RGL1: variants seen among roughly 807,000 people sequenced by gnomAD.
RGL1 encodes ral guanine nucleotide dissociation stimulator like 1.
Under a neutral mutation model 95.2 loss-of-function variants are expected in RGL1, and 24 were observed. The observed-to-expected ratio is 0.25, with a 90% confidence interval of 0.18 to 0.35. The LOEUF is 0.35. RGL1 is among the 10% of genes least tolerant of loss of function. RGL1 has a pLI of 1.00. For synonymous variants in RGL1, 329 were observed against 344.9 expected (o/e 0.95, Z 0.51); for missense variants, 715 against 936.3 (o/e 0.76, Z 3.08).
rs1669695356 is a variant in RGL1 at position 183,927,756 on chromosome 1, T to C, written c.*1464T>C. 6.6e-6 allele frequency: 1 copy of C among 152,648 alleles called. No individual in the cohort carries two copies. The allele number at this position is 152,648 out of a possible 1,614,324, so 9.5% of individuals were successfully genotyped here. A position where few individuals can be genotyped will look rare whatever the true frequency, so the allele number is the denominator to read the frequency against. Reference sequence around the variant, plus strand: ...GAAATGATTCTCAAAATACCAGTTTTTATTCCAAAAATTTAGAGAACAAAC... The same window carrying C: ...GAAATGATTCTCAAAATACCAGTTTCTATTCCAAAAATTTAGAGAACAAAC... On this transcript the variant is annotated 3_prime_UTR_variant, in exon 18 of 18. Coordinates refer to ENST00000360851, the MANE Select transcript of RGL1 (RefSeq NM_001297671.3).
intron 1 of RGL1, among the ~76,000 whole-genome samples, chr1:183,692,949 TA>T (rs201819518): frequency 6.0e-5 from 9 of 149,846 alleles, no homozygotes; most frequent in Admixed American, 1.3e-4. Flanking sequence ...AGCAGGGAGA[TA>T]AAAAAAATTT....
At chr1:183,695,181 C>T (rs1000075581) in intron 1 of RGL1, among the ~76,000 whole-genome samples, 14 of 152,220 alleles carry the variant, frequency 9.2e-5, no homozygotes, top group African/African-American at 3.1e-4. Context: ...AGGAAAGCAT[C>T]GGCTTGACAG....
At chr1:183,888,444 C>A (rs1021413488) in intron 7 of RGL1, 30 bp from the exon 8 acceptor site, 1 of 1,261,986 alleles carries the variant, frequency 7.9e-7, no homozygotes, top group Non-Finnish European at 1.2e-6. Flanking sequence ...TAGTTAAATG[C>A]CTTTTATGTT....
intron 7 of RGL1, among the ~76,000 whole-genome samples, chr1:183,887,603 G>A (rs1209670953): frequency 7.9e-5 from 12 of 152,034 alleles, no homozygotes; most frequent in African/African-American, 2.4e-4. Context: ...GTCTCCTCAC[G>A]TTGCTACCTT....
At chr1:183,898,216 T>G (rs1006044597) in intron 10 of RGL1, among the ~76,000 whole-genome samples, 1 of 152,200 alleles carries the variant, frequency 6.6e-6, no homozygotes, top group Non-Finnish European at 1.5e-5. Context: ...CTCCTGCACT[T>G]AGAAGCTGCT....
At chr1:183,873,725 C>G (rs866439423) in intron 4 of RGL1, among the ~76,000 whole-genome samples, 2 of 152,174 alleles carry the variant, frequency 1.3e-5, no homozygotes, top group South Asian at 2.1e-4. Context: ...TTCCATTGCT[C>G]TATGCTGTTT....
chr1:183,779,179 CCTTCCTTCCTT>C (rs1659758036), intron 2 of RGL1, among the ~76,000 whole-genome samples: 1 of 124,018 alleles, frequency 8.1e-6, no homozygotes, highest in African/African-American at 3.1e-5. Flanking sequence ...TTCCTTCCTT[CCTTCCTTCCTT>C]CCTTCCTTCC....
At chr1:183,807,262 G>T (rs1558218229) in intron 2 of RGL1, among the ~76,000 whole-genome samples, 1 of 152,142 alleles carries the variant, frequency 6.6e-6, no homozygotes, top group Non-Finnish European at 1.5e-5. Flanking sequence ...GATCTGGAAG[G>T]AGAAGTAGTT....
At chr1:183,793,872 A>G (rs753302238) in intron 2 of RGL1, among the ~76,000 whole-genome samples, 15 of 152,156 alleles carry the variant, frequency 9.9e-5, no homozygotes, top group Non-Finnish European at 1.9e-4. Context: ...AAGAATTACC[A>G]TGCGATCCAG....
In RGL1 at chr1:183,805,236, T is replaced by C; in HGVS notation, c.-62T>C. On this transcript the variant is annotated 5_prime_UTR_variant, in exon 1 of 18. Transcript: ENST00000360851. ...GCCGCGGGGCTGAGCCCAGCAGACA[T>C]TGCGTTGGCCTCCGAGCAGGGCGCA... The C allele has an allele frequency of 6.3e-7, 1 of 1,598,924 alleles. No homozygotes were observed.
intron 14 of RGL1, among the ~76,000 whole-genome samples, chr1:183,910,952 T>C (rs1380601066): frequency 2.0e-5 from 3 of 152,272 alleles, no homozygotes; most frequent in African/African-American, 7.2e-5. Context: ...AGTTTTGTTC[T>C]GACAGTTCTC....
chr1:183,708,369 A>T (rs761980822), intron 1 of RGL1, among the ~76,000 whole-genome samples: 3 of 152,016 alleles, frequency 2.0e-5, no homozygotes, highest in African/African-American at 7.3e-5. Context: ...CCCCTCACTG[A>T]TCTCTCCCAA....
chr1:183,880,694 A>G lies in RGL1; in HGVS notation c.504A>G (p.Leu168=). The part of the protein sequence containing the change: ...DFREPPHFPC[L]QKLLDYLTRM... ...GAGAGCCCCCTCACTTCCCTTGCTT[A>G]CAGAAACTGCTGGATTATCTCACAC... is the stretch of plus-strand genomic sequence containing the variant. The change falls in exon 5 of 18, where the codon TTA becomes TTG. Residue 168 remains leucine (L), a synonymous_variant. Transcript: ENST00000360851. 6.2e-7 allele frequency: 1 copy of G among 1,613,936 alleles called. No individual in the cohort carries two copies. Among genetic ancestry groups the G allele is most frequent in the Non-Finnish European group, 8.5e-7 (1 of 1,179,842 alleles).
chr1:183,900,292 A>G lies in RGL1; in HGVS notation c.1317+56A>G, dbSNP rs193054896. 6.7e-4 allele frequency: 920 copies of G among 1,372,410 alleles called. 7 individuals carry two copies. In the African/African-American group the frequency reaches 0.012, roughly 17 times the overall value. The allele number at this position is 1,372,410 out of a possible 1,614,324, so 85.0% of individuals were successfully genotyped here. Reference sequence around the variant, plus strand: ...CTGCAGCCTTCCCACTGGATACCCTAAAGAGTAGTTAACTTCTCTTAGTAT... The same window carrying G: ...CTGCAGCCTTCCCACTGGATACCCTGAAGAGTAGTTAACTTCTCTTAGTAT... On this transcript the variant is annotated intron_variant, in intron 11 of 17. Coordinates refer to ENST00000360851, the MANE Select transcript of RGL1 (RefSeq NM_001297671.3).
At chr1:183,914,774 A>AG (rs1289178974) in intron 15 of RGL1, among the ~76,000 whole-genome samples, 2 of 152,206 alleles carry the variant, frequency 1.3e-5, no homozygotes, top group Non-Finnish European at 2.9e-5. Context: ...GGCATATTCT[A>AG]GGCTTTATCT....
In RGL1 at chr1:183,708,869, G is replaced by A. The variant is rs544561459; in HGVS notation, c.-32-33257G>A. Among the ~76,000 whole-genome samples the A allele has an allele frequency of 7.2e-5, 11 of 152,360 alleles. No homozygotes were observed. In the South Asian group the frequency reaches 2.3e-3, roughly 32 times the overall value. On this transcript the variant is annotated intron_variant, in intron 1 of 18. Transcript: ENST00000304685. ...CCGTCCAGGGTGGAAGGACACAAGG[G>A]ACGCGGACCGGGGCCCCTTCCAGAT...
At chr1:183,848,114 A>G (rs917153373) in intron 3 of RGL1, among the ~76,000 whole-genome samples, 1 of 152,132 alleles carries the variant, frequency 6.6e-6, no homozygotes, top group African/African-American at 2.4e-5. Context: ...TTGACCAAGA[A>G]TTTTACTGGG....
chr1:183,862,194 T>A (rs3010066), intron 3 of RGL1, among the ~76,000 whole-genome samples: 50,716 of 151,698 alleles, frequency 0.33, 8,925 homozygotes, highest in East Asian at 0.49. Flanking sequence ...ATAAAAAAAA[T>A]TAGCCAGGCA....
chr1:183,734,247 T>A (rs1285574027), intron 1 of RGL1, among the ~76,000 whole-genome samples: 1 of 152,190 alleles, frequency 6.6e-6, no homozygotes, highest in Non-Finnish European at 1.5e-5. Flanking sequence ...GAGCTCAGAT[T>A]CCTAGGAACT....
Sources: gnomAD v4.1 joint callset for allele counts (sites outside exome capture counted in the v4.1 genomes callset) on GRCh38, gnomAD v4.1.1 for gene constraint, MANE v1.5 for transcripts, NCBI Gene and HGNC (gene_info 2026-07-23, HGNC 2026-07-21) for gene names.